Variants in ZFP90 observed in about 807,000 individuals in gnomAD.
The protein encoded by ZFP90 is ZFP90 zinc finger protein, also known as zinc finger protein 90 homolog.
A neutral mutation model predicts 60.8 loss-of-function variants in ZFP90; 38 were observed. That is an observed-to-expected ratio of 0.62 (90% CI 0.48 to 0.82). The LOEUF (loss-of-function observed/expected upper bound fraction) is 0.82. Ranked by LOEUF, ZFP90 falls within the 40% of genes least tolerant of loss-of-function variation. The pLI is 0.00. For synonymous variants in ZFP90, 287 were observed against 264.8 expected (o/e 1.08, Z -0.82); for missense variants, 711 against 759.1 (o/e 0.94, Z 0.74).
intron 4 of ZFP90, among the ~76,000 whole-genome samples, chr16:68,560,449 G>A (rs900613254): frequency 3.3e-5 from 5 of 152,148 alleles, no homozygotes; most frequent in African/African-American, 1.2e-4. Flanking sequence ...GCATGTATCA[G>A]TACATCATTC....
chr16:68,575,544 A>G (rs1234726103), intron 2 of ZFP90, among the ~76,000 whole-genome samples: 1 of 151,358 alleles, frequency 6.6e-6, no homozygotes, highest in Non-Finnish European at 1.5e-5. Flanking sequence ...GCAAAAAAAA[A>G]AAAAAAAAAA....
chr16:68,545,528 T>G (rs914354047), intron 2 of ZFP90, among the ~76,000 whole-genome samples: 2 of 152,068 alleles, frequency 1.3e-5, no homozygotes, highest in Admixed American at 1.3e-4. Flanking sequence ...CTAAGAACTG[T>G]TTCAAGCCAG....
At chr16:68,548,659 T>A (rs530794444) in intron 2 of ZFP90, among the ~76,000 whole-genome samples, 69 of 152,056 alleles carry the variant, frequency 4.5e-4, no homozygotes, top group Non-Finnish European at 8.5e-4. Context: ...CCCGGCTAAT[T>A]TTGTATTTTT....
chr16:68,570,157 C>CT (rs2091560453), downstream of ZFP90, among the ~76,000 whole-genome samples: 1 of 152,108 alleles, frequency 6.6e-6, no homozygotes, highest in South Asian at 2.1e-4. Context: ...ATACTCATCT[C>CT]TAATTCCTCT....
chr16:68,543,566 CTTT>C (rs56788189), intron 2 of ZFP90, among the ~76,000 whole-genome samples: 5 of 133,360 alleles, frequency 3.7e-5, no homozygotes, highest in Admixed American at 7.4e-5. Flanking sequence ...GCCTTTTTTT[CTTT>C]TTTTTTTTTT....
upstream of ZFP90, among the ~76,000 whole-genome samples, chr16:68,538,904 C>G (rs572374111): frequency 6.6e-6 from 1 of 152,292 alleles, no homozygotes; most frequent in South Asian, 2.1e-4. Flanking sequence ...TGTAAATGCC[C>G]CACCCTCTGA....
intron 2 of ZFP90, among the ~76,000 whole-genome samples, chr16:68,548,122 C>T (rs866299869): frequency 4.2e-4 from 64 of 151,986 alleles, no homozygotes; most frequent in African/African-American, 7.0e-4. Flanking sequence ...CCACCGTGTC[C>T]GGCCCAGTTG....
At chr16:68,540,667 C>T (rs1383884450) in intron 2 of ZFP90, among the ~76,000 whole-genome samples, 1 of 151,822 alleles carries the variant, frequency 6.6e-6, no homozygotes, top group African/African-American at 2.4e-5. Flanking sequence ...ACATCAAGAT[C>T]AATTCAAATA....
rs1479326405 is a variant in ZFP90 at position 68,565,758 on chromosome 16, A to T, written c.*1060A>T. ...TTAAGTCTAATTGCCCATTGCCATA[A>T]ATTTTGCCTTGTACTCAGAGAAGCA... On this transcript the variant is annotated 3_prime_UTR_variant, in exon 5 of 5. Transcript: ENST00000563169. 9 of 985,394 alleles carry T rather than the reference A, an allele frequency of 9.1e-6. No homozygotes were observed. Among genetic ancestry groups the T allele is most frequent in the Admixed American group, 6.2e-5 (1 of 16,246 alleles). 61.0% of individuals were successfully genotyped at this position (985,394 alleles called of 1,614,324 possible). A position where few individuals can be genotyped will look rare whatever the true frequency, so the allele number is the denominator to read the frequency against.
chr16:68,558,233 G>A (rs1171509236), intron 3 of ZFP90, 109 bp downstream of exon 3: 28 of 1,489,018 alleles, frequency 1.9e-5, no homozygotes, highest in Non-Finnish European at 2.5e-5. Context: ...GTGCTCAGGG[G>A]TCAGAGCTTG....
intron 2 of ZFP90, among the ~76,000 whole-genome samples, chr16:68,542,008 A>G (rs545339594): frequency 7.2e-5 from 11 of 152,206 alleles, no homozygotes; most frequent in Non-Finnish European, 1.6e-4. Context: ...CCAGGGATGA[A>G]GGACAGAACA....
chr16:68,558,708 G>T (rs2091387748), intron 4 of ZFP90, 140 bp downstream of exon 4: 1 of 680,214 alleles, frequency 1.5e-6, no homozygotes, highest in South Asian at 1.8e-5. Context: ...CCGACACCTT[G>T]TAGGTCTCTC....
intron 2 of ZFP90, among the ~76,000 whole-genome samples, chr16:68,552,215 C>T (rs1486460192): frequency 1.3e-5 from 2 of 152,226 alleles, no homozygotes; most frequent in East Asian, 3.9e-4. Flanking sequence ...CTCAGAGTGA[C>T]TAACTTCCAC....
intron 2 of ZFP90, among the ~76,000 whole-genome samples, chr16:68,542,182 G>A (rs894002473): frequency 1.1e-4 from 17 of 152,174 alleles, no homozygotes; most frequent in Admixed American, 2.6e-4. Context: ...GAAGTAGAGC[G>A]CAAGAGAGCT....
At chr16:68,553,253 A>G (rs2091289251) in intron 2 of ZFP90, among the ~76,000 whole-genome samples, 1 of 152,172 alleles carries the variant, frequency 6.6e-6, no homozygotes, top group Non-Finnish European at 1.5e-5. Context: ...ATGGGGTGCT[A>G]TTTTGTGTAG....
upstream of ZFP90, among the ~76,000 whole-genome samples, chr16:68,538,293 A>G (rs953915534): frequency 2.6e-5 from 4 of 152,226 alleles, no homozygotes; most frequent in South Asian, 4.1e-4. Context: ...ATTTTCTACC[A>G]TGTTGGTATG....
chr16:68,533,874 C>G (rs182391543), intron 2 of ZFP90: 1 of 152,232 alleles, frequency 6.6e-6, no homozygotes, highest in East Asian at 1.9e-4. Context: ...TTTTTTCTCT[C>G]TAGGATTTTA....
At chr16:68,555,602 G>T (rs1446477238) in intron 2 of ZFP90, among the ~76,000 whole-genome samples, 1 of 152,184 alleles carries the variant, frequency 6.6e-6, no homozygotes, top group Non-Finnish European at 1.5e-5. Context: ...ACAACCAAAA[G>T]TATTATCCCT....
intron 2 of ZFP90, chr16:68,557,221 C>G (rs2091358472): frequency 4.4e-6 from 2 of 455,580 alleles, no homozygotes; most frequent in Non-Finnish European, 8.8e-6. Flanking sequence ...CTCTTGGGCT[C>G]CTGTAACAAA....
Sources: gnomAD v4.1 joint callset for allele counts (sites outside exome capture counted in the v4.1 genomes callset) on GRCh38, gnomAD v4.1.1 for gene constraint, MANE v1.5 for transcripts, NCBI Gene and HGNC (gene_info 2026-07-23, HGNC 2026-07-21) for gene names.